Variants in CDH12 observed in about 807,000 individuals in gnomAD.
The protein encoded by CDH12 is cadherin 12, also known as cadherin-12.
In CDH12, 41 loss-of-function variants were observed where a neutral mutation model predicts 74.1. The observed-to-expected ratio is 0.55, with a 90% confidence interval of 0.43 to 0.72. CDH12 has a LOEUF of 0.72. CDH12 is among the 30% of genes least tolerant of loss of function. The probability of loss-of-function intolerance (pLI) is 0.00; values close to 1 mark genes in which losing one functional copy is unlikely to be tolerated. For missense variants in CDH12, 945 were observed against 977.2 expected, an observed-to-expected ratio of 0.97 and a Z score of 0.44; for synonymous variants, 399 against 355.0, an observed-to-expected ratio of 1.12 and a Z score of -1.39.
intron 3 of CDH12, among the ~76,000 whole-genome samples, chr5:22,384,689 T>C (rs969945905): frequency 6.6e-6 from 1 of 152,156 alleles, no homozygotes; most frequent in Non-Finnish European, 1.5e-5. Context: ...CACAAGTTTT[T>C]AAGGCATTTG....
intron 2 of CDH12, among the ~76,000 whole-genome samples, chr5:22,452,410 A>G (rs924987302): frequency 6.6e-6 from 1 of 152,064 alleles, no homozygotes; most frequent in Non-Finnish European, 1.5e-5. Flanking sequence ...ACTTGGAAAT[A>G]TATTTACACA....
At chr5:22,801,024 T>C (rs549353081) in intron 1 of CDH12, among the ~76,000 whole-genome samples, 1 of 152,308 alleles carries the variant, frequency 6.6e-6, no homozygotes, top group African/African-American at 2.4e-5. Flanking sequence ...CTGCTCGTTC[T>C]GTGAACATAA....
At chr5:22,550,896 C>T (rs530932079) in intron 1 of CDH12, among the ~76,000 whole-genome samples, 57 of 152,282 alleles carry the variant, frequency 3.7e-4, no homozygotes, top group African/African-American at 1.3e-3. Flanking sequence ...CCAGGTGAGG[C>T]TTTTTCTTCT....
At chr5:22,844,820 G>C (rs1337678451) in intron 1 of CDH12, among the ~76,000 whole-genome samples, 3 of 152,108 alleles carry the variant, frequency 2.0e-5, no homozygotes, top group Admixed American at 1.3e-4. Flanking sequence ...GGAAGAATTA[G>C]CAATGCCCTT....
chr5:22,603,091 G>A (rs1736926051), intron 1 of CDH12, among the ~76,000 whole-genome samples: 1 of 152,056 alleles, frequency 6.6e-6, no homozygotes, highest in Admixed American at 6.6e-5. Context: ...ATGAATTAAA[G>A]GATTATAGAT....
At chr5:22,717,612 C>G (rs73068122) in intron 1 of CDH12, among the ~76,000 whole-genome samples, 2 of 151,938 alleles carry the variant, frequency 1.3e-5, no homozygotes, top group African/African-American at 4.8e-5. Context: ...AGTGGTGGGT[C>G]GATATCCAAT....
chr5:22,079,883 G>A (rs1742598675), intron 4 of CDH12, among the ~76,000 whole-genome samples: 1 of 144,832 alleles, frequency 6.9e-6, no homozygotes, highest in African/African-American at 2.8e-5. Flanking sequence ...ATAACTGAGG[G>A]CAGATTATGC....
chr5:22,775,181 T>G (rs1747028117), intron 1 of CDH12, among the ~76,000 whole-genome samples: 1 of 152,034 alleles, frequency 6.6e-6, no homozygotes, highest in Admixed American at 6.6e-5. Flanking sequence ...GTAAGTGAAA[T>G]TTTGACCTAG....
chr5:22,036,077 GA>G (rs1031451328), intron 5 of CDH12, among the ~76,000 whole-genome samples: 1 of 151,958 alleles, frequency 6.6e-6, no homozygotes, highest in Non-Finnish European at 1.5e-5. Flanking sequence ...ATGCATTTGT[GA>G]AAAAAAGCAC....
chr5:22,507,507 A>G (rs1736437411), intron 1 of CDH12, among the ~76,000 whole-genome samples: 1 of 152,160 alleles, frequency 6.6e-6, no homozygotes, highest in Non-Finnish European at 1.5e-5. Flanking sequence ...CAGATGGGAT[A>G]ACTTATTTTC....
chr5:22,806,277 A>G (rs1415713784), intron 1 of CDH12, among the ~76,000 whole-genome samples: 1 of 151,870 alleles, frequency 6.6e-6, no homozygotes, highest in Non-Finnish European at 1.5e-5. Flanking sequence ...TCCCATCAAC[A>G]GTGTAAAAGG....
intron 2 of CDH12, among the ~76,000 whole-genome samples, chr5:22,428,478 A>G (rs559000911): frequency 7.8e-4 from 119 of 151,868 alleles, no homozygotes; most frequent in African/African-American, 2.8e-3. Context: ...ATGTGTGTGT[A>G]TGTGTTTATA....
intron 1 of CDH12, among the ~76,000 whole-genome samples, chr5:22,821,305 T>C (rs1262302132): frequency 6.6e-6 from 1 of 152,158 alleles, no homozygotes; most frequent in Non-Finnish European, 1.5e-5. Flanking sequence ...ACTGGGAGTA[T>C]TCCCTTTGAA....
At chr5:22,096,125 T>A (rs1037152284) in intron 4 of CDH12, among the ~76,000 whole-genome samples, 1 of 152,038 alleles carries the variant, frequency 6.6e-6, no homozygotes, top group Non-Finnish European at 1.5e-5. Flanking sequence ...CCTTAGCCTG[T>A]GCTCTCAAGA....
rs772461732 is a variant in CDH12, at chr5:22,428,934, C to A, written c.-427-23583G>T. On this transcript the variant is annotated intron_variant, in intron 2 of 14. Coordinates refer to ENST00000382254, the MANE Select transcript of CDH12 (RefSeq NM_004061.5). ...CCTCAAGGCTTTAAAAAGCTCAGGCCAACCTTATACCATTGTTTTCACATC... is the reference window on the plus strand; with the variant it reads ...CCTCAAGGCTTTAAAAAGCTCAGGCAAACCTTATACCATTGTTTTCACATC... Among the ~76,000 whole-genome samples the A allele has an allele frequency of 3.5e-4, 54 of 152,122 alleles. 1 individual carries two copies. Among genetic ancestry groups the A allele is most frequent in the Non-Finnish European group, 6.6e-4 (45 of 67,980 alleles).
intron 4 of CDH12, among the ~76,000 whole-genome samples, chr5:22,114,295 T>C (rs993110249): frequency 7.2e-5 from 11 of 152,240 alleles, no homozygotes; most frequent in Non-Finnish European, 1.2e-4. Flanking sequence ...TTTTATATGC[T>C]ATTCCTACAT....
At chr5:22,617,128 C>G (rs900754733) in intron 1 of CDH12, among the ~76,000 whole-genome samples, 11 of 151,990 alleles carry the variant, frequency 7.2e-5, no homozygotes, top group African/African-American at 2.4e-4. Context: ...TCCCACCTAG[C>G]CTCCTAAAGT....
intron 3 of CDH12, among the ~76,000 whole-genome samples, chr5:22,322,088 C>T (rs946825073): frequency 1.3e-5 from 2 of 152,278 alleles, no homozygotes; most frequent in Admixed American, 1.3e-4. Flanking sequence ...TGTAACCACA[C>T]ATTCAGTATT....
At chr5:21,863,609 A>C (rs1454226139) in intron 6 of CDH12, among the ~76,000 whole-genome samples, 2 of 152,168 alleles carry the variant, frequency 1.3e-5, no homozygotes, top group Non-Finnish European at 2.9e-5. Context: ...AATTCTGTAA[A>C]GAGTGACCTG....
Sources: gnomAD v4.1 joint callset for allele counts (sites outside exome capture counted in the v4.1 genomes callset) on GRCh38, gnomAD v4.1.1 for gene constraint, MANE v1.5 for transcripts, NCBI Gene and HGNC (gene_info 2026-07-23, HGNC 2026-07-21) for gene names.